ZNF365: variants seen among roughly 807,000 people sequenced by gnomAD.
ZNF365 encodes zinc finger protein 365.
A neutral mutation model predicts 35.0 loss-of-function variants in ZNF365; 22 were observed. The ratio of observed to expected loss-of-function variants is 0.63; its 90% CI spans 0.45 to 0.90. ZNF365 has a LOEUF of 0.90. ZNF365 is among the 40% of genes least tolerant of loss of function. The probability of loss-of-function intolerance (pLI) is 0.00; values close to 1 mark genes in which losing one functional copy is unlikely to be tolerated. For synonymous variants in ZNF365, 188 were observed against 196.2 expected (o/e 0.96, Z 0.35); for missense variants, 448 against 500.3 (o/e 0.90, Z 1.00).
chr10:62,457,113 G>A (rs755440317), intron 3 of ZNF365, among the ~76,000 whole-genome samples: 2 of 152,030 alleles, frequency 1.3e-5, no homozygotes, highest in African/African-American at 4.8e-5. Context: ...TCCTGAGACC[G>A]GTGACCCATC....
At chr10:62,474,636 A>G (rs1841098002) in intron 4 of ZNF365, among the ~76,000 whole-genome samples, 1 of 152,206 alleles carries the variant, frequency 6.6e-6, no homozygotes, top group Non-Finnish European at 1.5e-5. Context: ...ACTACTGTCA[A>G]TAAGCCAATG....
intron 3 of ZNF365, among the ~76,000 whole-genome samples, chr10:62,433,542 G>A (rs1227571679): frequency 1.3e-5 from 2 of 152,174 alleles, no homozygotes; most frequent in Non-Finnish European, 2.9e-5. Flanking sequence ...ATGAAAAAGT[G>A]GCTCTGAACA....
At chr10:62,456,396 G>A (rs764773943) in intron 3 of ZNF365, among the ~76,000 whole-genome samples, 7 of 151,980 alleles carry the variant, frequency 4.6e-5, no homozygotes, top group African/African-American at 9.7e-5. Context: ...TGTCCATGCC[G>A]TGTAAGATGA....
chr10:62,411,837 C>G (rs1049696600), intron 3 of ZNF365, among the ~76,000 whole-genome samples: 2 of 151,920 alleles, frequency 1.3e-5, no homozygotes, highest in Non-Finnish European at 2.9e-5. Context: ...TGGGATGCAG[C>G]TAAAGTAGTG....
At chr10:62,467,041 A>C (rs1213866492) in intron 4 of ZNF365, among the ~76,000 whole-genome samples, 1 of 152,242 alleles carries the variant, frequency 6.6e-6, no homozygotes, top group East Asian at 1.9e-4. Flanking sequence ...TCCTACCAAA[A>C]TTCAGCATAC....
intron 4 of ZNF365, among the ~76,000 whole-genome samples, chr10:62,460,144 G>GCCTTAC (rs1840824043): frequency 6.6e-6 from 1 of 152,140 alleles, no homozygotes; most frequent in Admixed American, 6.5e-5. Context: ...AGTGGTGATG[G>GCCTTAC]CATGGAGGCT....
chr10:62,467,722 C>T (rs1840967536), intron 4 of ZNF365, among the ~76,000 whole-genome samples: 4 of 152,140 alleles, frequency 2.6e-5, no homozygotes, highest in Admixed American at 2.6e-4. Context: ...AATGAAGTCA[C>T]CCTTTCAGAG....
At chr10:62,393,601 T>G (rs532950833) in intron 3 of ZNF365, among the ~76,000 whole-genome samples, 1 of 152,360 alleles carries the variant, frequency 6.6e-6, no homozygotes, top group East Asian at 1.9e-4. Flanking sequence ...CATATACATG[T>G]ACATGCATGC....
chr10:62,466,107 C>T (rs556423665), intron 4 of ZNF365, among the ~76,000 whole-genome samples: 33 of 152,188 alleles, frequency 2.2e-4, no homozygotes, highest in Admixed American at 6.5e-4. Flanking sequence ...CACTGCACTG[C>T]GGGCGACAAG....
intron 4 of ZNF365, among the ~76,000 whole-genome samples, chr10:62,461,243 C>T (rs1201454868): frequency 1.3e-5 from 2 of 152,204 alleles, no homozygotes; most frequent in East Asian, 3.9e-4. Context: ...AATCAGCTTT[C>T]GCAGGGCGTT....
intron 3 of ZNF365, among the ~76,000 whole-genome samples, chr10:62,415,818 T>C (rs974815207): frequency 2.6e-5 from 4 of 152,178 alleles, no homozygotes; most frequent in African/African-American, 9.6e-5. Context: ...AAGTCTTAAA[T>C]TGCCAATTTG....
chr10:62,469,287 C>T (rs1029121389), intron 4 of ZNF365, among the ~76,000 whole-genome samples: 6 of 152,214 alleles, frequency 3.9e-5, no homozygotes, highest in African/African-American at 1.4e-4. Context: ...TCTCATCAAA[C>T]AAGGGCAATT....
chr10:62,378,510 G>A (rs996507396), intron 2 of ZNF365, among the ~76,000 whole-genome samples: 13 of 152,100 alleles, frequency 8.5e-5, no homozygotes, highest in African/African-American at 2.7e-4. Context: ...TACATGTTAT[G>A]GTTAATCCAA....
intron 2 of ZNF365, among the ~76,000 whole-genome samples, chr10:62,381,609 G>A (rs1839440398): frequency 1.3e-5 from 2 of 152,072 alleles, no homozygotes; most frequent in Non-Finnish European, 2.9e-5. Context: ...TTTTTCTGAT[G>A]TGATTAAAGA....
Position 62,376,744 on chromosome 10 carries a change from C to T in ZNF365, c.551C>T (p.Thr184Ile). Residue 184 changes from threonine (T) to isoleucine (I), a missense_variant, in exon 2 of 5, where the codon ACC (threonine) becomes ATC (isoleucine). Transcript: ENST00000395254. ...ATTGAGAAGAGAATTGATAAACTCA[C>T]CAAAGAGTTGGCCCAGAAAACTGCG... is the stretch of plus-strand genomic sequence containing the variant. ...RTIEKRIDKLTKELAQKTAEL... is the reference protein window; with the variant it reads ...RTIEKRIDKLIKELAQKTAEL... 6.2e-7 allele frequency: 1 copy of T among 1,614,174 alleles called. No homozygotes were observed. Among genetic ancestry groups the T allele is most frequent in the Non-Finnish European group, 8.5e-7 (1 of 1,180,044 alleles).
intron 2 of ZNF365, among the ~76,000 whole-genome samples, chr10:62,387,374 G>A (rs1839542987): frequency 6.6e-6 from 1 of 152,100 alleles, no homozygotes; most frequent in South Asian, 2.1e-4. Flanking sequence ...GGTGGTCTCA[G>A]GATAATGGAG....
intron 2 of ZNF365, among the ~76,000 whole-genome samples, chr10:62,378,467 G>T (rs1839373007): frequency 6.6e-6 from 1 of 152,146 alleles, no homozygotes; most frequent in African/African-American, 2.4e-5. Context: ...AAAAATATCT[G>T]TCTAAATAAA....
At chr10:62,421,066 T>C (rs1360946973) in intron 3 of ZNF365, among the ~76,000 whole-genome samples, 1 of 152,040 alleles carries the variant, frequency 6.6e-6, no homozygotes, top group Admixed American at 6.6e-5. Context: ...AAATGTGGCC[T>C]ACTTGGGTTT....
rs1308941628 is a variant in ZNF365, at chr10:62,402,263, C to G, written c.*2474C>G. ...AGAAATCTTCCTTTGAACCGCTTTT[C>G]TTGCTTTTTCCCTTTTTCCCAAACT... On this transcript the variant is annotated 3_prime_UTR_variant, in exon 5 of 5. Coordinates refer to ENST00000395254, the MANE Select transcript of ZNF365 (RefSeq NM_014951.3). 7.1e-6 allele frequency: 7 copies of G among 985,642 alleles called. No homozygotes were observed. Among genetic ancestry groups the G allele is most frequent in the Non-Finnish European group, 8.4e-6 (7 of 829,882 alleles). 61.1% of individuals were successfully genotyped at this position (985,642 alleles called of 1,614,324 possible).
Sources: allele counts gnomAD v4.1 joint callset (sites outside exome capture counted in the v4.1 genomes callset), GRCh38; gene constraint gnomAD v4.1.1; transcripts MANE v1.5; gene names NCBI Gene and HGNC (gene_info 2026-07-23, HGNC 2026-07-21).